CAP2: variants seen among roughly 807,000 people sequenced by gnomAD.
CAP2 encodes cyclase associated actin cytoskeleton regulatory protein 2.
In CAP2, 24 loss-of-function variants were observed where a neutral mutation model predicts 57.7. The ratio of observed to expected loss-of-function variants is 0.42; its 90% CI spans 0.30 to 0.58. The LOEUF (loss-of-function observed/expected upper bound fraction) is 0.58. Among genes scored for constraint, CAP2 ranks in the 20% least tolerant of loss-of-function variants. The pLI, the probability that CAP2 is intolerant of heterozygous loss-of-function variation, is 0.22. For synonymous variants in CAP2, 194 were observed against 207.2 expected (o/e 0.94, Z 0.55); for missense variants, 501 against 590.3 (o/e 0.85, Z 1.57).
In CAP2 at chr6:17,480,294, G is replaced by T. The variant is rs115772850; in HGVS notation, c.300+17221G>T. 7.1e-3 allele frequency among the ~76,000 whole-genome samples: 1,082 copies of T among 152,174 alleles called. 3 individuals carry two copies. The highest frequency in any genetic ancestry group is 0.021 in the African/African-American group (879 of 41,514). On this transcript the variant is annotated intron_variant, in intron 4 of 12. Coordinates refer to ENST00000229922, the MANE Select transcript of CAP2 (RefSeq NM_006366.3). ...ATCCCAATCACATTGGACAACACAA[G>T]TGCTATGAACATGTATAATGTGACT...
At chr6:17,550,679 T>C (rs1763150116) in intron 11 of CAP2, among the ~76,000 whole-genome samples, 1 of 152,078 alleles carries the variant, frequency 6.6e-6, no homozygotes, top group Non-Finnish European at 1.5e-5. Context: ...TCCGCCCTTA[T>C]GGAGATTTTG....
At chr6:17,432,773 C>T (rs1759771358) in intron 3 of CAP2, among the ~76,000 whole-genome samples, 2 of 151,610 alleles carry the variant, frequency 1.3e-5, no homozygotes, top group African/African-American at 2.4e-5. Context: ...TTCCTTTCTT[C>T]TCCCTCTTTT....
chr6:17,540,019 C>T (rs2113698594), intron 8 of CAP2, among the ~76,000 whole-genome samples: 1 of 152,230 alleles, frequency 6.6e-6, no homozygotes, highest in East Asian at 1.9e-4. Context: ...GAGGTGGGGG[C>T]TGCGGTGAGC....
intron 11 of CAP2, among the ~76,000 whole-genome samples, chr6:17,551,115 C>G (rs976551914): frequency 1.3e-5 from 2 of 152,168 alleles, no homozygotes; most frequent in Non-Finnish European, 2.9e-5. Context: ...CATCTTGTTT[C>G]TTTTATCATG....
At chr6:17,488,367 C>T (rs1761471204) in intron 4 of CAP2, among the ~76,000 whole-genome samples, 1 of 152,188 alleles carries the variant, frequency 6.6e-6, no homozygotes, top group Non-Finnish European at 1.5e-5. Context: ...CTGGATTGTC[C>T]TACCTGGTGC....
At chr6:17,512,153 G>T (rs1417342713) in intron 6 of CAP2, among the ~76,000 whole-genome samples, 3 of 152,132 alleles carry the variant, frequency 2.0e-5, no homozygotes, top group African/African-American at 7.2e-5. Flanking sequence ...TCTTTGGGAG[G>T]CTGAGGAGGG....
intron 1 of CAP2, among the ~76,000 whole-genome samples, chr6:17,419,251 C>G (rs1759366104): frequency 1.3e-5 from 2 of 152,198 alleles, no homozygotes. Context: ...TGGTCCCCAG[C>G]AGAAACATAA....
intron 7 of CAP2, among the ~76,000 whole-genome samples, chr6:17,536,917 G>T (rs1762786748): frequency 6.6e-6 from 1 of 152,116 alleles, no homozygotes; most frequent in Non-Finnish European, 1.5e-5. Context: ...CAGTAACATA[G>T]AAAACATTTC....
At chr6:17,514,058 G>C in intron 7 of CAP2, 104 bp downstream of exon 7, 1 of 772,574 alleles carries the variant, frequency 1.3e-6, no homozygotes, top group Non-Finnish European at 2.2e-6. Flanking sequence ...CAAGGAAAAT[G>C]TAAGATTAAA....
In CAP2 at chr6:17,463,268, GT is replaced by G. The variant is rs564685741; in HGVS notation, c.300+207del. ...TCCTAATCTCATTAATAGTAGACAA[GT>G]TTTTTTTTTTTAAGTATGCCATTTG... On this transcript the variant is annotated intron_variant, in intron 4 of 12. Coordinates refer to ENST00000229922, the MANE Select transcript of CAP2 (RefSeq NM_006366.3). Among the ~76,000 whole-genome samples, 157 of 140,076 alleles carry G rather than the reference GT, an allele frequency of 1.1e-3. 1 individual carries two copies. The highest frequency in any genetic ancestry group is 1.7e-3 in the Non-Finnish European group (106 of 64,066). The allele number at this position is 140,076 out of a possible 152,430, so 91.9% of individuals were successfully genotyped here. A position where few individuals can be genotyped will look rare whatever the true frequency, so the allele number is the denominator to read the frequency against.
chr6:17,491,917 C>T (rs1019610726), intron 4 of CAP2, among the ~76,000 whole-genome samples: 2 of 152,180 alleles, frequency 1.3e-5, no homozygotes, highest in African/African-American at 4.8e-5. Flanking sequence ...GATAGTCATC[C>T]CACAGGACTC....
intron 7 of CAP2, among the ~76,000 whole-genome samples, chr6:17,525,556 C>T (rs1381469508): frequency 1.3e-5 from 2 of 152,126 alleles, no homozygotes; most frequent in African/African-American, 4.8e-5. Flanking sequence ...CTTCCATCCT[C>T]AGCGGCTGCA....
intron 4 of CAP2, among the ~76,000 whole-genome samples, chr6:17,483,438 T>C (rs1414517643): frequency 6.6e-6 from 1 of 152,156 alleles, no homozygotes; most frequent in Non-Finnish European, 1.5e-5. Flanking sequence ...GACGTAAAAA[T>C]GAAGGAGCGG....
chr6:17,494,840 A>G (rs1452444762), intron 4 of CAP2, among the ~76,000 whole-genome samples: 2 of 152,158 alleles, frequency 1.3e-5, no homozygotes, highest in African/African-American at 4.8e-5. Flanking sequence ...GCCTCATCCA[A>G]TCAGTTGAAG....
chr6:17,403,680 A>G (rs1758873625), intron 1 of CAP2, among the ~76,000 whole-genome samples: 1 of 152,214 alleles, frequency 6.6e-6, no homozygotes, highest in African/African-American at 2.4e-5. Flanking sequence ...TAGGCTAATG[A>G]GTAAAATAGG....
intron 4 of CAP2, among the ~76,000 whole-genome samples, chr6:17,478,972 C>A (rs1267528986): frequency 6.6e-6 from 1 of 152,162 alleles, no homozygotes; most frequent in Non-Finnish European, 1.5e-5. Flanking sequence ...TTCTCTTCTT[C>A]CCTCTATCCC....
At chr6:17,459,565 G>C (rs751344330) in intron 3 of CAP2, among the ~76,000 whole-genome samples, 6 of 152,002 alleles carry the variant, frequency 3.9e-5, no homozygotes, top group Non-Finnish European at 7.4e-5. Context: ...AACAGAAACA[G>C]GTTCCTCAAT....
chr6:17,428,494 T>A (rs941178628), intron 3 of CAP2, among the ~76,000 whole-genome samples: 1 of 152,112 alleles, frequency 6.6e-6, no homozygotes, highest in Non-Finnish European at 1.5e-5. Flanking sequence ...CAGTATAGAT[T>A]CACAGAAAAT....
chr6:17,498,874 GC>G (rs1761731657), intron 4 of CAP2, among the ~76,000 whole-genome samples: 1 of 151,710 alleles, frequency 6.6e-6, no homozygotes. Context: ...GATTACAGGC[GC>G]CCGCCACCAC....
Sources: gnomAD v4.1 joint callset for allele counts (sites outside exome capture counted in the v4.1 genomes callset) on GRCh38, gnomAD v4.1.1 for gene constraint, MANE v1.5 for transcripts, NCBI Gene and HGNC (gene_info 2026-07-23, HGNC 2026-07-21) for gene names.